THSD7A: variants seen among roughly 807,000 people sequenced by gnomAD.
The protein encoded by THSD7A is thrombospondin type 1 domain containing 7A.
Under a neutral mutation model 231.3 loss-of-function variants are expected in THSD7A, and 96 were observed. The observed-to-expected ratio is 0.41, with a 90% CI of 0.35 to 0.49. The LOEUF is 0.49. Ranked by LOEUF, THSD7A falls within the 20% of genes least tolerant of loss-of-function variation. The probability of loss-of-function intolerance (pLI) is 0.05; values close to 1 mark genes in which losing one functional copy is unlikely to be tolerated. For synonymous variants in THSD7A, 940 were observed against 743.3 expected (o/e 1.26, Z -4.30); for missense variants, 2,290 against 2,070.2 (o/e 1.11, Z -2.06).
chr7:11,491,975 C>T (rs1420862787), intron 6 of THSD7A, among the ~76,000 whole-genome samples: 2 of 151,992 alleles, frequency 1.3e-5, no homozygotes, highest in African/African-American at 4.8e-5. Context: ...TTCACACTTC[C>T]AATCTGTCCT....
chr7:11,751,417 A>G (rs2128164891), intron 1 of THSD7A: 1 of 151,972 alleles, frequency 6.6e-6, no homozygotes, highest in Non-Finnish European at 1.5e-5. Flanking sequence ...TGGGGGGAGG[A>G]GCCCCTCCCT....
intron 1 of THSD7A, among the ~76,000 whole-genome samples, chr7:11,703,251 C>G (rs569253494): frequency 6.6e-6 from 1 of 151,274 alleles, no homozygotes; most frequent in African/African-American, 2.4e-5. Flanking sequence ...CCCAAACTGT[C>G]TTAATTTGCC....
intron 1 of THSD7A, among the ~76,000 whole-genome samples, chr7:11,829,950 C>G (rs139071208): frequency 5.9e-5 from 9 of 152,196 alleles, no homozygotes; most frequent in African/African-American, 2.2e-4. Flanking sequence ...TTGAAGTTTA[C>G]CAATCACTTT....
At chr7:11,542,868 C>T in intron 5 of THSD7A, 94 bp downstream of exon 5, 2 of 1,360,478 alleles carry the variant, frequency 1.5e-6, no homozygotes, top group Non-Finnish European at 2.0e-6. Flanking sequence ...TGGAAAATAC[C>T]ACAAACAAGG....
chr7:11,547,523 C>G (rs1184773559), intron 4 of THSD7A, among the ~76,000 whole-genome samples: 3 of 152,196 alleles, frequency 2.0e-5, no homozygotes, highest in African/African-American at 7.2e-5. Flanking sequence ...ACAGAACATT[C>G]CATCTAACAA....
intron 6 of THSD7A, among the ~76,000 whole-genome samples, chr7:11,489,699 G>A (rs181422325): frequency 2.6e-4 from 39 of 151,966 alleles, no homozygotes; most frequent in Non-Finnish European, 4.6e-4. Flanking sequence ...ACCCCCTAAC[G>A]TCCTCTAGCA....
chr7:11,624,665 T>C (rs1238939621), intron 2 of THSD7A, among the ~76,000 whole-genome samples: 1 of 152,188 alleles, frequency 6.6e-6, no homozygotes, highest in Non-Finnish European at 1.5e-5. Flanking sequence ...ATGTAAGATT[T>C]ATCCTTTCAT....
chr7:11,677,755 A>T (rs544763789), intron 1 of THSD7A, among the ~76,000 whole-genome samples: 1 of 152,222 alleles, frequency 6.6e-6, no homozygotes, highest in African/African-American at 2.4e-5. Context: ...GGGAGACTTT[A>T]ACACCACACT....
At chr7:11,804,579 T>C (rs1167592981) in intron 1 of THSD7A, among the ~76,000 whole-genome samples, 1 of 152,194 alleles carries the variant, frequency 6.6e-6, no homozygotes, top group Non-Finnish European at 1.5e-5. Flanking sequence ...ATATACAGTG[T>C]TCCAATCTGC....
chr7:11,606,173 A>G (rs1019182872), intron 2 of THSD7A, among the ~76,000 whole-genome samples: 10 of 152,154 alleles, frequency 6.6e-5, no homozygotes, highest in Non-Finnish European at 1.0e-4. Flanking sequence ...TGTGGCATCC[A>G]TGTGCATGAT....
chr7:11,801,268 C>A (rs1784267987), intron 1 of THSD7A, among the ~76,000 whole-genome samples: 1 of 151,962 alleles, frequency 6.6e-6, no homozygotes, highest in Non-Finnish European at 1.5e-5. Context: ...GTTTATACTG[C>A]CTCATAATTT....
At chr7:11,532,023 T>C (rs1477080038) in intron 6 of THSD7A, among the ~76,000 whole-genome samples, 1 of 152,160 alleles carries the variant, frequency 6.6e-6, no homozygotes, top group African/African-American at 2.4e-5. Context: ...GAAGTGGTCT[T>C]ACAAGAGTTC....
At chr7:11,825,224 G>A (rs1012780195) in intron 1 of THSD7A, among the ~76,000 whole-genome samples, 1 of 152,040 alleles carries the variant, frequency 6.6e-6, no homozygotes, top group Non-Finnish European at 1.5e-5. Context: ...ACGGTAGTAC[G>A]TACTTTCTAT....
At chr7:11,712,774 A>G (rs1010285072) in intron 1 of THSD7A, among the ~76,000 whole-genome samples, 3 of 151,180 alleles carry the variant, frequency 2.0e-5, no homozygotes, top group African/African-American at 7.2e-5. Flanking sequence ...GTGGCCTATT[A>G]TATGTTATTT....
chr7:11,674,450 T>C (rs1296778378), intron 1 of THSD7A, among the ~76,000 whole-genome samples: 1 of 152,124 alleles, frequency 6.6e-6, no homozygotes, highest in Non-Finnish European at 1.5e-5. Flanking sequence ...GCAGTGTCTA[T>C]CTGCTGGCTC....
intron 11 of THSD7A, among the ~76,000 whole-genome samples, chr7:11,451,030 C>G (rs926224671): frequency 2.0e-5 from 3 of 152,004 alleles, no homozygotes; most frequent in African/African-American, 7.2e-5. Context: ...CTGCTCCTGG[C>G]AGACTGAAAG....
intron 1 of THSD7A, among the ~76,000 whole-genome samples, chr7:11,756,424 G>A (rs1782678698): frequency 6.6e-6 from 1 of 152,000 alleles, no homozygotes; most frequent in African/African-American, 2.4e-5. Flanking sequence ...TACTTGGGGA[G>A]TAACTGAAAT....
chr7:11,391,404 T>C (rs1017269326), intron 23 of THSD7A, among the ~76,000 whole-genome samples: 10 of 152,172 alleles, frequency 6.6e-5, no homozygotes, highest in African/African-American at 2.4e-4. Context: ...ACTGTGAAGG[T>C]AAAACAGCCT....
In THSD7A at chr7:11,636,604, A is replaced by T; in HGVS notation, c.548T>A (p.Leu183Gln). ...GCAAGGAATGAGGCAAGCCTGCTCC[A>T]GGAGAGGCTTGGGCTCAAAGTACTC... ...ICEYFEPKPL[L>Q]EQACLIPCQQ... is the part of the protein sequence containing the mutation. Residue 183 changes from leucine to glutamine, a missense_variant, in exon 2 of 28, where the codon CTG (leucine) becomes CAG (glutamine). By Grantham distance (113) the Leu-to-Gln change is moderately radical. Coordinates refer to ENST00000423059, the MANE Select transcript of THSD7A (RefSeq NM_015204.3). This position sits in a 1 kb window ranked among gnomAD's most constrained non-coding sequence, Gnocchi z 10.0. The T allele has an allele frequency of 1.2e-6, 2 of 1,614,046 alleles. No homozygotes were observed. The highest frequency in any genetic ancestry group is 1.7e-6 in the Non-Finnish European group (2 of 1,179,902).
Sources: gnomAD v4.1 joint callset for allele counts (sites outside exome capture counted in the v4.1 genomes callset) on GRCh38, gnomAD v4.1.1 for gene constraint, Gnocchi (gnomAD v3.1) non-coding constraint, MANE v1.5 for transcripts, NCBI Gene and HGNC (gene_info 2026-07-23, HGNC 2026-07-21) for gene names.